The following BCAS3 variants were observed in gnomAD, a reference collection of about 807,000 sequenced individuals.
BCAS3 encodes the protein BCAS4/BCAS3 fusion.
In BCAS3, 53 loss-of-function variants were observed where a neutral mutation model predicts 116.1. The ratio of observed to expected loss-of-function variants is 0.46; its 90% CI spans 0.37 to 0.57. BCAS3 has a LOEUF of 0.57. Ranked by LOEUF, BCAS3 falls within the 20% of genes least tolerant of loss-of-function variation. The pLI is 0.00. For missense variants in BCAS3, 917 were observed against 1,165.4 expected (o/e 0.79, Z 3.10); for synonymous variants, 391 against 408.2 (o/e 0.96, Z 0.51).
intron 22 of BCAS3, among the ~76,000 whole-genome samples, chr17:61,212,364 A>G (rs2081511362): frequency 6.6e-6 from 1 of 152,116 alleles, no homozygotes; most frequent in Non-Finnish European, 1.5e-5. Flanking sequence ...CAGCCTCCCA[A>G]AGCACTGAGA....
At chr17:60,935,922 A>G (rs1014212489) in intron 13 of BCAS3, among the ~76,000 whole-genome samples, 3 of 151,374 alleles carry the variant, frequency 2.0e-5, no homozygotes, top group Non-Finnish European at 4.4e-5. Flanking sequence ...TTATTTACAT[A>G]TGTATACATG....
intron 7 of BCAS3, among the ~76,000 whole-genome samples, chr17:60,829,934 T>C (rs1041899025): frequency 1.3e-5 from 2 of 152,136 alleles, no homozygotes; most frequent in African/African-American, 4.8e-5. Context: ...GTAAATATAA[T>C]TTTGTCTCTT....
At chr17:61,154,027 T>C (rs2077690144) in intron 22 of BCAS3, among the ~76,000 whole-genome samples, 1 of 152,184 alleles carries the variant, frequency 6.6e-6, no homozygotes, top group South Asian at 2.1e-4. Context: ...AATCCATTGG[T>C]TTAGTGAAGG....
At chr17:61,050,875 C>T (rs183344508) in intron 19 of BCAS3, among the ~76,000 whole-genome samples, 7 of 151,906 alleles carry the variant, frequency 4.6e-5, no homozygotes, top group African/African-American at 1.4e-4. Context: ...GGAATCTTCT[C>T]GGCTCTAAAA....
chr17:61,101,259 C>T (rs1268567037), intron 22 of BCAS3, among the ~76,000 whole-genome samples: 2 of 152,112 alleles, frequency 1.3e-5, no homozygotes, highest in East Asian at 3.9e-4. Context: ...ATCCTTTAAG[C>T]AGTAAACAGT....
At chr17:61,070,170 G>A (rs1305019251) in intron 19 of BCAS3, 1 of 1,562,248 alleles carries the variant, frequency 6.4e-7, no homozygotes. Flanking sequence ...TGTTCCTTGT[G>A]GATGTTAAAG....
intron 7 of BCAS3, among the ~76,000 whole-genome samples, chr17:60,850,000 A>G (rs767721509): frequency 7.2e-5 from 11 of 152,044 alleles, no homozygotes; most frequent in Non-Finnish European, 1.6e-4. Flanking sequence ...TCAAGCAATC[A>G]TCTCACCTTG....
At chr17:60,830,068 C>A (rs1365180933) in intron 7 of BCAS3, among the ~76,000 whole-genome samples, 1 of 152,018 alleles carries the variant, frequency 6.6e-6, no homozygotes, top group East Asian at 1.9e-4. Context: ...CTTAGCTCAC[C>A]GCAACCTCTG....
chr17:61,305,409 T>C (rs1362537637), intron 22 of BCAS3, among the ~76,000 whole-genome samples: 1 of 152,150 alleles, frequency 6.6e-6, no homozygotes, highest in African/African-American at 2.4e-5. Context: ...GAGCATGGCC[T>C]TTGAAAGATT....
rs1292537146 is a variant in BCAS3 at position 61,021,668 on chromosome 17, G to A, written c.1637+5767G>A. Reference sequence around the variant, plus strand: ...AGCAGCCGTAAGCCAGTGCTGATGGGCTCAGGCCCCACTTAGAAAGCATAG... The same window carrying A: ...AGCAGCCGTAAGCCAGTGCTGATGGACTCAGGCCCCACTTAGAAAGCATAG... On this transcript the variant is annotated intron_variant, in intron 16 of 23. Coordinates refer to ENST00000407086, the MANE Select transcript of BCAS3 (RefSeq NM_017679.5). The surrounding 1 kb of genome is among the most constrained non-coding windows in gnomAD (Gnocchi z 4.6). Among the ~76,000 whole-genome samples the A allele has an allele frequency of 6.6e-6, 1 of 152,180 alleles. No individual in the cohort carries two copies. The highest frequency in any genetic ancestry group is 1.5e-5 in the Non-Finnish European group (1 of 68,042).
chr17:61,332,779 C>T lies in BCAS3; in HGVS notation c.2426-35548C>T, dbSNP rs2056397381. The stretch of plus-strand genomic sequence containing the variant: ...TATAGGCGTCTGCCACCACGCCTGG[C>T]TAATTTTTGTATTTTTAGGAGAGAC... On this transcript the variant is annotated intron_variant, in intron 22 of 23. Coordinates refer to ENST00000407086, the MANE Select transcript of BCAS3 (RefSeq NM_017679.5). The surrounding 1 kb of genome is among the most constrained non-coding windows in gnomAD (Gnocchi z 5.4). 6.6e-6 allele frequency among the ~76,000 whole-genome samples: 1 copy of T among 152,108 alleles called. No homozygotes were observed. Among genetic ancestry groups the T allele is most frequent in the Non-Finnish European group, 1.5e-5 (1 of 68,026 alleles).
Position 61,044,388 on chromosome 17 carries a change from A to G in BCAS3, c.2029+3496A>G, listed in dbSNP as rs181089706. ...CGTGAGCCTGGGAGGCGGAGCTCAC[A>G]GTGAGCCGAGATTGCACCACTGCAC... is the stretch of plus-strand genomic sequence containing the variant. On this transcript the variant is annotated intron_variant, in intron 19 of 23. Coordinates refer to ENST00000407086, the MANE Select transcript of BCAS3 (RefSeq NM_017679.5). 4.6e-3 allele frequency among the ~76,000 whole-genome samples: 693 copies of G among 149,142 alleles called. 5 individuals carry two copies. The highest frequency in any genetic ancestry group is 0.016 in the African/African-American group (627 of 39,992).
chr17:61,358,465 A>C (rs1168813588), intron 22 of BCAS3, among the ~76,000 whole-genome samples: 2 of 150,238 alleles, frequency 1.3e-5, no homozygotes, highest in Non-Finnish European at 2.9e-5. Flanking sequence ...TGGAAGTGGC[A>C]TCCCTGCCTA....
chr17:61,162,182 A>G lies in BCAS3; in HGVS notation c.2425+77618A>G, dbSNP rs1167097194. Reference sequence around the variant, plus strand: ...AATTGAAGATATTTTATTGGGAAATATCCTGGGTAAGTAAACAGTGATTGC... The same window carrying G: ...AATTGAAGATATTTTATTGGGAAATGTCCTGGGTAAGTAAACAGTGATTGC... On this transcript the variant is annotated intron_variant, in intron 22 of 23. Coordinates refer to ENST00000407086, the MANE Select transcript of BCAS3 (RefSeq NM_017679.5). The surrounding 1 kb of genome is among the most constrained non-coding windows in gnomAD (Gnocchi z 5.6). Among the ~76,000 whole-genome samples, 1 of 152,182 alleles carries G rather than the reference A, an allele frequency of 6.6e-6. No homozygotes were observed. Among genetic ancestry groups the G allele is most frequent in the African/African-American group, 2.4e-5 (1 of 41,444 alleles).
intron 7 of BCAS3, among the ~76,000 whole-genome samples, chr17:60,821,109 G>A (rs1448251360): frequency 1.3e-5 from 2 of 151,994 alleles, no homozygotes; most frequent in East Asian, 1.9e-4. Flanking sequence ...ATCATGCCTG[G>A]CTAATATTTG....
chr17:60,920,463 G>C (rs548470465), intron 12 of BCAS3, among the ~76,000 whole-genome samples: 3 of 152,086 alleles, frequency 2.0e-5, no homozygotes, highest in African/African-American at 7.2e-5. Context: ...GAAGACATAC[G>C]TATGGGCCAA....
intron 22 of BCAS3, among the ~76,000 whole-genome samples, chr17:61,328,890 CTT>C (rs922578027): frequency 7.3e-5 from 9 of 122,594 alleles, no homozygotes; most frequent in Admixed American, 4.3e-4. Context: ...GACGCAGGCT[CTT>C]TTTTTTTTTT....
chr17:60,930,230 A>G (rs1211359081), intron 13 of BCAS3, among the ~76,000 whole-genome samples: 3 of 152,164 alleles, frequency 2.0e-5, no homozygotes, highest in Admixed American at 1.3e-4. Context: ...ATAATTATCT[A>G]ATTTGGTTAA....
Position 61,368,855 on chromosome 17 carries a change from A to G in BCAS3, c.2593+361A>G, listed in dbSNP as rs1274723174. Among the ~76,000 whole-genome samples the G allele has an allele frequency of 6.6e-6, 1 of 152,192 alleles. No homozygotes were observed. The highest frequency in any genetic ancestry group is 1.9e-4 in the East Asian group (1 of 5,174). On this transcript the variant is annotated intron_variant, in intron 23 of 23. Transcript: ENST00000407086. The surrounding 1 kb of genome is among the most constrained non-coding windows in gnomAD (Gnocchi z 6.0). ...CTCTTCAGACACGCTGGAGACTTAG[A>G]GATTGGCAAGTCTCAGTAGGGCCTG... is the stretch of plus-strand genomic sequence containing the variant.
Sources: gnomAD v4.1 joint callset for allele counts (sites outside exome capture counted in the v4.1 genomes callset) on GRCh38, gnomAD v4.1.1 for gene constraint, Gnocchi (gnomAD v3.1) non-coding constraint, MANE v1.5 for transcripts, NCBI Gene and HGNC (gene_info 2026-07-23, HGNC 2026-07-21) for gene names.